The following MAP3K15 variants were observed in gnomAD, a reference collection of about 807,000 sequenced individuals.
MAP3K15 encodes mitogen-activated protein kinase kinase kinase 15.
A neutral mutation model predicts 99.5 loss-of-function variants in MAP3K15; 124 were observed. The ratio of observed to expected loss-of-function variants is 1.25; its 90% confidence interval spans 1.08 to 1.45. MAP3K15 has a LOEUF of 1.45. MAP3K15 is among the 40% of genes most tolerant of loss of function. MAP3K15 has a pLI of 0.00. For missense variants in MAP3K15, 1,242 were observed against 1,079.7 expected (o/e 1.15, Z -2.11); for synonymous variants, 494 against 439.6 (o/e 1.12, Z -1.55).
intron 2 of MAP3K15, 93 bp from the exon 3 acceptor site, chrX:19,486,598 A>G (rs1023420381): frequency 5.3e-6 from 2 of 380,282 alleles, no homozygotes; most frequent in Non-Finnish European, 8.5e-6. Context: ...AAAGAAATTA[A>G]TCATGTAAGA....
intron 6 of MAP3K15, among the ~76,000 whole-genome samples, chrX:19,438,248 C>T (rs975678029): frequency 2.7e-5 from 3 of 110,978 alleles, no homozygotes; most frequent in African/African-American, 9.8e-5. Context: ...AATACAGGCA[C>T]GCATGACCAC....
Position 19,395,975 on chromosome X carries a change from C to T in MAP3K15, c.2067-767G>A, listed in dbSNP as rs140958888. On this transcript the variant is annotated intron_variant, in intron 15 of 28. Transcript: ENST00000338883. ...TTCCATCAGCATAGGCCTCCTTTTCCGCTAAACAAATTCTTACTCATCCCT... is the reference window on the plus strand; with the variant it reads ...TTCCATCAGCATAGGCCTCCTTTTCTGCTAAACAAATTCTTACTCATCCCT... Among the ~76,000 whole-genome samples, 490 of 111,858 alleles carry T rather than the reference C, an allele frequency of 4.4e-3. 5 individuals are homozygous for T. Among genetic ancestry groups the T allele is most frequent in the African/African-American group, 0.015 (449 of 30,812 alleles).
At chrX:19,367,385 G>C (rs1165851366) in intron 25 of MAP3K15, among the ~76,000 whole-genome samples, 1 of 95,846 alleles carries the variant, frequency 1.0e-5, no homozygotes, top group Non-Finnish European at 1.9e-5. Flanking sequence ...CTTAATGCCT[G>C]GGTGATGAAA....
intron 28 of MAP3K15, 108 bp from the exon 29 acceptor site, chrX:19,360,941 CAT>C: frequency 3.5e-6 from 2 of 565,343 alleles, no homozygotes; most frequent in Admixed American, 7.2e-5. Context: ...ATTCTCCTCA[CAT>C]ATGGAGGTGA....
rs1459342032 is a variant in MAP3K15, at chrX:19,449,426, G to A, written c.995+7487C>T. 1.8e-5 allele frequency among the ~76,000 whole-genome samples: 2 copies of A among 109,704 alleles called. 1 individual carries two copies. Among genetic ancestry groups the A allele is most frequent in the Non-Finnish European group, 3.9e-5 (2 of 51,808 alleles). On this transcript the variant is annotated intron_variant, in intron 6 of 28. Transcript: ENST00000338883. Reference sequence around the variant, plus strand: ...CGTGCACTTTTTCTATACCTCAAATGCCTCCCTGTAAATCAGTGGTCTCAA... The same window carrying A: ...CGTGCACTTTTTCTATACCTCAAATACCTCCCTGTAAATCAGTGGTCTCAA...
At chrX:19,474,046 G>A (rs1160803703) in intron 3 of MAP3K15, among the ~76,000 whole-genome samples, 3 of 111,484 alleles carry the variant, frequency 2.7e-5, no homozygotes, top group African/African-American at 9.8e-5. Flanking sequence ...TTTTCCTAAG[G>A]ATATCTTCCC....
rs764860702 is a variant in MAP3K15 at position 19,374,632 on chromosome X, A to T, written c.2618T>A (p.Ile873Asn). ...GGCTTCAGCTGAAAGGGCTTCTGGA[A>T]TCTCAGGGTGGATCTTAAACATGCC... is the stretch of plus-strand genomic sequence containing the variant. ...KVGMFKIHPE[I>N]PEALSAEARA... Residue 873 changes from isoleucine to asparagine, a missense_variant, in exon 20 of 29, where the codon ATT becomes AAT. Transcript: ENST00000338883. 1 of 1,211,245 alleles carries T rather than the reference A, an allele frequency of 8.3e-7. No homozygotes were observed. The highest frequency in any genetic ancestry group is 1.8e-5 in the South Asian group (1 of 56,915).
intron 10 of MAP3K15, among the ~76,000 whole-genome samples, chrX:19,413,818 T>G (rs1227677413): frequency 6.4e-4 from 49 of 76,232 alleles, no homozygotes; most frequent in Admixed American, 1.1e-3. Context: ...AGAGAAAAGG[T>G]GGGGAGAAAG....
chrX:19,477,084 C>T (rs1380485446), intron 3 of MAP3K15, among the ~76,000 whole-genome samples: 1 of 111,918 alleles, frequency 8.9e-6, no homozygotes, highest in Non-Finnish European at 1.9e-5. Context: ...GAGTGAATGG[C>T]AAATTCTATG....
At chrX:19,443,102 A>G (rs1438240249) in intron 6 of MAP3K15, among the ~76,000 whole-genome samples, 1 of 87,601 alleles carries the variant, frequency 1.1e-5, no homozygotes, top group Non-Finnish European at 2.1e-5. Flanking sequence ...GCACAATCTC[A>G]GCTCACTGCA....
intron 9 of MAP3K15, among the ~76,000 whole-genome samples, chrX:19,421,758 C>T (rs1204626818): frequency 4.6e-5 from 5 of 109,231 alleles, no homozygotes; most frequent in Non-Finnish European, 9.4e-5. Flanking sequence ...CTGGAGGCAT[C>T]ACACTACCTG....
At chrX:19,398,642 A>G (rs1406906958) in intron 14 of MAP3K15, among the ~76,000 whole-genome samples, 3 of 111,858 alleles carry the variant, frequency 2.7e-5, no homozygotes, top group Non-Finnish European at 1.9e-5. Context: ...ATTCTTCCCC[A>G]TTTTAACGCT....
chrX:19,457,846 GCCT>G (rs2064104945), intron 5 of MAP3K15, among the ~76,000 whole-genome samples: 2 of 111,212 alleles, frequency 1.8e-5, no homozygotes, highest in South Asian at 7.5e-4. Context: ...TAGGATGCTG[GCCT>G]TGACCCACTG....
intron 7 of MAP3K15, among the ~76,000 whole-genome samples, chrX:19,429,249 G>A (rs773678053): frequency 3.6e-5 from 4 of 110,948 alleles, no homozygotes; most frequent in African/African-American, 1.3e-4. Flanking sequence ...CTATAAATCT[G>A]TGAAGGATAG....
chrX:19,430,571 C>A (rs2063872872), intron 7 of MAP3K15, among the ~76,000 whole-genome samples: 1 of 111,918 alleles, frequency 8.9e-6, no homozygotes, highest in African/African-American at 3.2e-5. Flanking sequence ...AAAATATATT[C>A]TTTGCATAAC....
chrX:19,414,808 T>C (rs5955775), intron 10 of MAP3K15, among the ~76,000 whole-genome samples: 6,962 of 111,433 alleles, frequency 0.062, 310 homozygotes, highest in African/African-American at 0.15. Context: ...ATCCAGCAGA[T>C]GCCAGTAGTG....
chrX:19,460,589 C>T (rs773356625), intron 4 of MAP3K15, among the ~76,000 whole-genome samples: 1 of 110,992 alleles, frequency 9.0e-6, no homozygotes, highest in Non-Finnish European at 1.9e-5. Flanking sequence ...TATCAGGTGT[C>T]TCTCATTAGT....
intron 26 of MAP3K15, among the ~76,000 whole-genome samples, chrX:19,362,402 T>G (rs1272464681): frequency 9.2e-6 from 1 of 108,927 alleles, no homozygotes; most frequent in East Asian, 2.9e-4. Context: ...CCAGCTGGTT[T>G]TTTTCTATTT....
At chrX:19,398,100 A>G in intron 15 of MAP3K15, 126 bp downstream of exon 15, 3 of 822,211 alleles carry the variant, frequency 3.6e-6, no homozygotes, top group Non-Finnish European at 5.1e-6. Flanking sequence ...CCCTATTACA[A>G]GAGAATGACA....
Sources: gnomAD v4.1 joint callset for allele counts (sites outside exome capture counted in the v4.1 genomes callset) on GRCh38, gnomAD v4.1.1 for gene constraint, MANE v1.5 for transcripts, NCBI Gene and HGNC (gene_info 2026-07-23, HGNC 2026-07-21) for gene names.